Variants in ABCA10 observed in about 807,000 individuals in gnomAD.
ABCA10 encodes ATP-binding cassette sub-family A member 10.
ABCA10 carries 169 observed loss-of-function variants against 187.5 expected under a neutral mutation model. The observed-to-expected ratio is 0.90, with a 90% CI of 0.80 to 1.02. The LOEUF (loss-of-function observed/expected upper bound fraction) is 1.02. Among genes scored for constraint, ABCA10 ranks in the 50% least tolerant of loss-of-function variants. The pLI is 0.00. For synonymous variants in ABCA10, 574 were observed against 601.8 expected, an observed-to-expected ratio of 0.95 and a Z score of 0.68; for missense variants, 1,727 against 1,812.4, an observed-to-expected ratio of 0.95 and a Z score of 0.86.
intron 22 of ABCA10, among the ~76,000 whole-genome samples, chr17:69,179,902 T>C (rs1443701544): frequency 1.3e-5 from 2 of 152,196 alleles, no homozygotes; most frequent in African/African-American, 4.8e-5. Context: ...TTGCACTCAG[T>C]AAACCCAGCA....
intron 1 of ABCA10, chr17:69,234,611 G>C (rs2074853608): frequency 1.3e-5 from 2 of 152,218 alleles, no homozygotes; most frequent in South Asian, 4.1e-4. Flanking sequence ...TGAGGCTCCT[G>C]CACAGAGACT....
chr17:69,173,807 T>G (rs1053957422), intron 25 of ABCA10, among the ~76,000 whole-genome samples: 3 of 152,170 alleles, frequency 2.0e-5, no homozygotes, highest in African/African-American at 7.2e-5. Context: ...AATTATTTAT[T>G]AAGAAAACAG....
rs188608236 is a variant in ABCA10 at position 69,185,706 on chromosome 17, A to G, written c.2331-63T>C. On this transcript the variant is annotated intron_variant, in intron 19 of 38. Coordinates refer to ENST00000690296, the MANE Select transcript of ABCA10 (RefSeq NM_001377321.1). Reference sequence around the variant, plus strand: ...TTTTCCTCTGGTTATTTAAGTCACAAAGATGCTATATAAGTGCTAACTATG... The same window carrying G: ...TTTTCCTCTGGTTATTTAAGTCACAGAGATGCTATATAAGTGCTAACTATG... 96 of 1,358,866 alleles carry G rather than the reference A, an allele frequency of 7.1e-5. No individual in the cohort carries two copies. In the East Asian group the frequency reaches 1.8e-3, roughly 26 times the overall value. 84.2% of individuals were successfully genotyped at this position (1,358,866 alleles called of 1,614,324 possible). A position where few individuals can be genotyped will look rare whatever the true frequency, so the allele number is the denominator to read the frequency against.
chr17:69,217,944 T>C (rs1222979990), intron 6 of ABCA10, among the ~76,000 whole-genome samples: 1 of 152,126 alleles, frequency 6.6e-6, no homozygotes, highest in Non-Finnish European at 1.5e-5. Flanking sequence ...TATCAATTAA[T>C]AAAAAAATTA....
intron 11 of ABCA10, among the ~76,000 whole-genome samples, chr17:69,194,815 T>A (rs1202554183): frequency 6.6e-6 from 1 of 152,182 alleles, no homozygotes; most frequent in African/African-American, 2.4e-5. Flanking sequence ...ACGTAGTTTA[T>A]TTGCTTCCTA....
At chr17:69,153,803 C>T (rs765830938) in intron 32 of ABCA10, 28 bp downstream of exon 32, 2 of 1,582,174 alleles carry the variant, frequency 1.3e-6, no homozygotes, top group East Asian at 2.3e-5. Flanking sequence ...CTTCCTCCTG[C>T]TACAAATTGT....
At chr17:69,177,973 A>ATATATATATATATATATATGTT (rs68149070) in intron 22 of ABCA10, among the ~76,000 whole-genome samples, 1 of 49,998 alleles carries the variant, frequency 2.0e-5, no homozygotes, top group African/African-American at 6.1e-5. Flanking sequence ...AAAAAAAAAA[A>ATATATATATATATATATATGTT]ATATATATAT....
chr17:69,187,081 G>C (rs2074426831), intron 19 of ABCA10, among the ~76,000 whole-genome samples: 1 of 151,994 alleles, frequency 6.6e-6, no homozygotes, highest in Admixed American at 6.6e-5. Context: ...TGAGTTTGTA[G>C]GGTGTCAGAT....
At chr17:69,232,180 T>C (rs572284602), upstream of ABCA10, among the ~76,000 whole-genome samples, 2 of 152,228 alleles carry the variant, frequency 1.3e-5, no homozygotes, top group South Asian at 4.1e-4. Context: ...GGTCTTGTTT[T>C]TTATTCAATC....
intron 22 of ABCA10, among the ~76,000 whole-genome samples, chr17:69,176,710 T>A (rs1225131775): frequency 2.0e-5 from 3 of 152,168 alleles, no homozygotes; most frequent in Non-Finnish European, 4.4e-5. Flanking sequence ...GATGCACATA[T>A]CTGTTTTCCT....
intron 32 of ABCA10, 140 bp from the exon 33 acceptor site, chr17:69,153,686 G>T: frequency 7.0e-7 from 1 of 1,433,974 alleles, no homozygotes; most frequent in South Asian, 1.4e-5. Context: ...TAAATCTTAT[G>T]ATTTGGTTCT....
In ABCA10 at chr17:69,148,286, GCTAT is replaced by G. The variant is rs1374848477; in HGVS notation, c.*537_*540del. The stretch of plus-strand genomic sequence containing the variant: ...CTGCGGTACTTTCTTACAGATTATG[GCTAT>G]CTTCTTCCATATAACTTCAATATGT... On this transcript the variant is annotated 3_prime_UTR_variant, in exon 39 of 39. Coordinates refer to ENST00000690296, the MANE Select transcript of ABCA10 (RefSeq NM_001377321.1). 2 of 152,288 alleles carry G rather than the reference GCTAT, an allele frequency of 1.3e-5. No individual in the cohort carries two copies. 9.4% of individuals were successfully genotyped at this position (152,288 alleles called of 1,614,324 possible). A position where few individuals can be genotyped will look rare whatever the true frequency, so the allele number is the denominator to read the frequency against.
rs766178889 is a variant in ABCA10 at position 69,193,886 on chromosome 17, G to T, written c.1449C>A (p.Phe483Leu). Residue 483 changes from phenylalanine (F) to leucine (L), a missense_variant, in exon 13 of 39, where the codon TTC becomes TTA. Phe to Leu is a conservative substitution (Grantham distance 22, BLOSUM62 0). Transcript: ENST00000690296. ...FCPQFNFQFD[F>L]LTVRENLRVF... ...CCCTGAGGTTTTCTCTCACAGTGAGGAAGTCAAATTGAAAATTGAACTGTG... is the reference window on the plus strand; with the variant it reads ...CCCTGAGGTTTTCTCTCACAGTGAGTAAGTCAAATTGAAAATTGAACTGTG... The T allele has an allele frequency of 8.1e-6, 13 of 1,613,282 alleles. No individual in the cohort carries two copies. The highest frequency in any genetic ancestry group is 1.0e-5 in the Non-Finnish European group (12 of 1,179,666).
intron 25 of ABCA10, among the ~76,000 whole-genome samples, chr17:69,167,884 T>C (rs184990692): frequency 6.6e-6 from 1 of 151,582 alleles, no homozygotes. Flanking sequence ...AATTATAATA[T>C]ATTTCTGTAA....
chr17:69,226,735 A>G, intron 2 of ABCA10, among the ~76,000 whole-genome samples: 1 of 151,920 alleles, frequency 6.6e-6, no homozygotes, highest in Non-Finnish European at 1.5e-5. Context: ...AATGTCCCCA[A>G]ATAGTATCAG....
Position 69,149,048 on chromosome 17 carries a change from C to T in ABCA10, c.4518G>A (p.Gln1506=). ...GAAAACCCACCTGCTCCAAGGTAGC[C>T]TGAGAGAGGCTGTATTCCTCCAGGT... ...TFNLEEYSLS[Q]ATLEQVFLEL... The change falls in exon 38 of 39, where the codon CAG becomes CAA. Residue 1506 remains glutamine (Q), a synonymous_variant. Coordinates refer to ENST00000690296, the MANE Select transcript of ABCA10 (RefSeq NM_001377321.1). The T allele has an allele frequency of 6.2e-7, 1 of 1,612,426 alleles. No individual in the cohort carries two copies. Among genetic ancestry groups the T allele is most frequent in the Non-Finnish European group, 8.5e-7 (1 of 1,179,654 alleles).
intron 9 of ABCA10, among the ~76,000 whole-genome samples, chr17:69,211,542 T>C (rs990153441): frequency 3.0e-4 from 45 of 151,830 alleles, no homozygotes; most frequent in African/African-American, 1.1e-3. Context: ...TGAAATAGTG[T>C]CAATAGGATA....
At chr17:69,171,419 C>T (rs983474399) in intron 25 of ABCA10, among the ~76,000 whole-genome samples, 5 of 152,046 alleles carry the variant, frequency 3.3e-5, no homozygotes, top group Non-Finnish European at 5.9e-5. Context: ...TTGGAAGAAA[C>T]GTCTGAAGCT....
At chr17:69,215,767 A>T (rs1014317287) in intron 8 of ABCA10, 48 bp downstream of exon 8, 2 of 1,389,712 alleles carry the variant, frequency 1.4e-6, no homozygotes, top group Non-Finnish European at 1.9e-6. Context: ...GAATAAGAAC[A>T]TATTTTGAAA....
Sources: gnomAD v4.1 joint callset for allele counts (sites outside exome capture counted in the v4.1 genomes callset) on GRCh38, gnomAD v4.1.1 for gene constraint, MANE v1.5 for transcripts, NCBI Gene and HGNC (gene_info 2026-07-23, HGNC 2026-07-21) for gene names.